The following FGGY variants were observed in gnomAD, a reference collection of about 807,000 sequenced individuals.
FGGY encodes the protein FGGY carbohydrate kinase domain containing, also known as FGGY carbohydrate kinase domain-containing protein.
FGGY carries 72 observed loss-of-function variants against 71.3 expected under a neutral mutation model. The observed-to-expected ratio is 1.01, with a 90% CI of 0.84 to 1.23. The LOEUF is 1.23. Ranked by LOEUF, FGGY falls within the 50% of genes most tolerant of loss-of-function variation. The pLI is 0.00. For missense variants in FGGY, 668 were observed against 682.3 expected (o/e 0.98, Z 0.23); for synonymous variants, 251 against 250.3 (o/e 1.00, Z -0.02).
chr1:59,704,272 G>A (rs559206563), intron 14 of FGGY, among the ~76,000 whole-genome samples: 198 of 152,132 alleles, frequency 1.3e-3, no homozygotes, highest in Middle Eastern at 3.4e-3. Flanking sequence ...AGATAACCCC[G>A]AGCACAAAGC....
chr1:59,340,085 T>G lies in FGGY; in HGVS notation c.313+16T>G. ...AACCAGGAAGGTAAGACCATGTCTC[T>G]TCCTTTTCCCAGTGGTGGGATACTT... On this transcript the variant is annotated intron_variant, in intron 3 of 15. Transcript: ENST00000303721. The G allele has an allele frequency of 6.4e-7, 1 of 1,574,012 alleles. No individual in the cohort carries two copies. Among genetic ancestry groups the G allele is most frequent in the Non-Finnish European group, 8.7e-7 (1 of 1,148,506 alleles).
chr1:59,349,843 G>A (rs1003557668), intron 4 of FGGY, among the ~76,000 whole-genome samples: 71 of 152,214 alleles, frequency 4.7e-4, no homozygotes, highest in African/African-American at 1.6e-3. Flanking sequence ...TGAATCACCT[G>A]GAGATCTTAG....
chr1:59,662,835 A>G (rs78666607), intron 12 of FGGY, among the ~76,000 whole-genome samples: 5,973 of 152,278 alleles, frequency 0.039, 251 homozygotes, highest in African/African-American at 0.11. Context: ...TGACAAAATC[A>G]CCTAACAATG....
At chr1:59,600,429 A>G (rs539137074) in intron 8 of FGGY, among the ~76,000 whole-genome samples, 1 of 152,312 alleles carries the variant, frequency 6.6e-6, no homozygotes, top group South Asian at 2.1e-4. Context: ...GTGTGGGATA[A>G]AAATTGTCAT....
At chr1:59,500,989 T>TG (rs2094207400) in intron 6 of FGGY, among the ~76,000 whole-genome samples, 2 of 152,186 alleles carry the variant, frequency 1.3e-5, no homozygotes, top group Admixed American at 1.3e-4. Flanking sequence ...GAAAAGCCCC[T>TG]GATGTCTTCA....
chr1:59,413,335 A>G (rs997251686), intron 5 of FGGY, among the ~76,000 whole-genome samples: 8 of 152,172 alleles, frequency 5.3e-5, no homozygotes, highest in Non-Finnish European at 4.4e-5. Context: ...GCTTATAGGG[A>G]TTTAAATCTA....
chr1:59,370,336 C>T (rs376368967), intron 4 of FGGY, among the ~76,000 whole-genome samples: 17 of 151,922 alleles, frequency 1.1e-4, no homozygotes, highest in South Asian at 4.2e-4. Context: ...TGAAATGAAG[C>T]GAGAAGGGAA....
At chr1:59,616,186 G>A (rs527935200) in intron 9 of FGGY, among the ~76,000 whole-genome samples, 200 of 152,244 alleles carry the variant, frequency 1.3e-3, no homozygotes, top group African/African-American at 3.9e-3. Context: ...ACATGCACAC[G>A]TATGTTTATT....
intron 10 of FGGY, among the ~76,000 whole-genome samples, chr1:59,627,481 T>C (rs1330427448): frequency 1.6e-3 from 206 of 127,134 alleles, no homozygotes; most frequent in African/African-American, 7.6e-3. Flanking sequence ...TATATATATA[T>C]ATATATATAC....
At chr1:59,369,949 C>A (rs1257905320) in intron 4 of FGGY, among the ~76,000 whole-genome samples, 2 of 152,086 alleles carry the variant, frequency 1.3e-5, no homozygotes, top group African/African-American at 4.8e-5. Context: ...GTAGATAAAA[C>A]CACAAAGATG....
rs193132704 is a variant in FGGY, at chr1:59,591,669, A to C, written c.904-16134A>C. Among the ~76,000 whole-genome samples, 6 of 152,324 alleles carry C rather than the reference A, an allele frequency of 3.9e-5. No individual in the cohort carries two copies. In the East Asian group the frequency reaches 1.2e-3, roughly 29 times the overall value. On this transcript the variant is annotated intron_variant, in intron 8 of 15. Coordinates refer to ENST00000303721, the MANE Select transcript of FGGY (RefSeq NM_018291.5). ...AACTACCTGATCTTTGACATACCTG[A>C]GAAAAACAAGCAATGGGGAAAGGAT...
intron 6 of FGGY, among the ~76,000 whole-genome samples, chr1:59,508,265 CT>C (rs1389306580): frequency 2.0e-5 from 3 of 152,198 alleles, no homozygotes; most frequent in African/African-American, 7.2e-5. Flanking sequence ...TTTTCATCAT[CT>C]TTGTCCCAAA....
chr1:59,703,024 G>C (rs889676953), intron 14 of FGGY, among the ~76,000 whole-genome samples: 1 of 152,126 alleles, frequency 6.6e-6, no homozygotes, highest in Non-Finnish European at 1.5e-5. Flanking sequence ...TGAGAATTTG[G>C]CTATTCCTGA....
At chr1:59,699,356 A>T in intron 14 of FGGY, 1 of 985,364 alleles carries the variant, frequency 1.0e-6, no homozygotes, top group Non-Finnish European at 1.2e-6. Context: ...TTGCATAGTT[A>T]TTGAAAGTGT....
intron 6 of FGGY, among the ~76,000 whole-genome samples, chr1:59,509,570 AC>A (rs2094471042): frequency 6.6e-6 from 1 of 151,766 alleles, no homozygotes; most frequent in East Asian, 1.9e-4. Flanking sequence ...ACCAGTTCAC[AC>A]CCCAGCCTAT....
At chr1:59,688,916 A>AT (rs1466015388) in intron 14 of FGGY, among the ~76,000 whole-genome samples, 1 of 151,940 alleles carries the variant, frequency 6.6e-6, no homozygotes, top group Non-Finnish European at 1.5e-5. Context: ...CACCTGGCTG[A>AT]TTTTTGTATT....
At chr1:59,591,413 T>C (rs1456281946) in intron 8 of FGGY, among the ~76,000 whole-genome samples, 2 of 152,294 alleles carry the variant, frequency 1.3e-5, no homozygotes, top group East Asian at 3.9e-4. Flanking sequence ...TACCAATGAC[T>C]TTCTTCACAG....
chr1:59,638,188 C>A (rs761185625), intron 10 of FGGY, 40 bp from the exon 11 acceptor site: 7 of 1,598,320 alleles, frequency 4.4e-6, no homozygotes, highest in Non-Finnish European at 5.1e-6. Flanking sequence ...GCTCCCTGAC[C>A]CTATCCCCCC....
intron 5 of FGGY, among the ~76,000 whole-genome samples, chr1:59,443,750 A>G (rs1400306876): frequency 1.3e-5 from 2 of 152,212 alleles, no homozygotes; most frequent in Non-Finnish European, 2.9e-5. Context: ...ATGTTTTCCT[A>G]TCTGAGTCAG....
Sources: allele counts gnomAD v4.1 joint callset (sites outside exome capture counted in the v4.1 genomes callset), GRCh38; gene constraint gnomAD v4.1.1; transcripts MANE v1.5; gene names NCBI Gene and HGNC (gene_info 2026-07-23, HGNC 2026-07-21).